CCSAP: variants seen among roughly 807,000 people sequenced by gnomAD.
The protein encoded by CCSAP is centriole, cilia and spindle associated protein.
A neutral mutation model predicts 25.9 loss-of-function variants in CCSAP; 17 were observed. The observed-to-expected ratio is 0.66, with a 90% CI of 0.45 to 0.99. CCSAP has a LOEUF of 0.99. CCSAP is among the 50% of genes least tolerant of loss of function. The probability of loss-of-function intolerance (pLI) is 0.00; values close to 1 mark genes in which losing one functional copy is unlikely to be tolerated. For synonymous variants in CCSAP, 169 were observed against 157.1 expected, an observed-to-expected ratio of 1.08 and a Z score of -0.57; for missense variants, 339 against 367.8, an observed-to-expected ratio of 0.92 and a Z score of 0.64.
intron 3 of CCSAP, among the ~76,000 whole-genome samples, chr1:229,325,651 TAGAC>T (rs901345791): frequency 4.6e-5 from 7 of 152,248 alleles, no homozygotes; most frequent in South Asian, 2.1e-4. Context: ...AATTAAATGT[TAGAC>T]AGAAATGGTA....
chr1:229,328,197 C>T (rs984688162), intron 2 of CCSAP, among the ~76,000 whole-genome samples: 26 of 152,282 alleles, frequency 1.7e-4, no homozygotes, highest in African/African-American at 5.3e-4. Context: ...AGTAAGAGTT[C>T]GTGACGGGTC....
At chr1:229,334,068 T>TTTTGTTTG (rs112113521) in intron 2 of CCSAP, among the ~76,000 whole-genome samples, 7 of 152,106 alleles carry the variant, frequency 4.6e-5, no homozygotes, top group African/African-American at 1.2e-4. Context: ...CATTAGGTTT[T>TTTTGTTTG]TTTGTTTGTT....
In CCSAP at chr1:229,321,740, C is replaced by T. The variant is rs1047964173; in HGVS notation, c.*3495G>A. 1.1e-4 allele frequency: 16 copies of T among 152,302 alleles called. No homozygotes were observed. The highest frequency in any genetic ancestry group is 3.6e-4 in the African/African-American group (15 of 41,564). The allele number at this position is 152,302 out of a possible 1,614,324, so 9.4% of individuals were successfully genotyped here. A position where few individuals can be genotyped will look rare whatever the true frequency, so the allele number is the denominator to read the frequency against. On this transcript the variant is annotated 3_prime_UTR_variant, in exon 4 of 4. Transcript: ENST00000284617. ...ACTTCTGATATATGCTTTGCTCCTCCTCCTCTTTGCTAGTAATACTTTTGA... is the reference window on the plus strand; with the variant it reads ...ACTTCTGATATATGCTTTGCTCCTCTTCCTCTTTGCTAGTAATACTTTTGA...
intron 2 of CCSAP, among the ~76,000 whole-genome samples, chr1:229,329,531 G>A (rs1658020335): frequency 6.6e-6 from 1 of 152,172 alleles, no homozygotes. Flanking sequence ...ATCATCATGG[G>A]AGGACATTAA....
chr1:229,337,698 T>TATACAC (rs1473619585), intron 2 of CCSAP, among the ~76,000 whole-genome samples: 2 of 60,714 alleles, frequency 3.3e-5, no homozygotes, highest in African/African-American at 1.3e-4. Context: ...TATATATATA[T>TATACAC]ACACATACAT....
At chr1:229,341,894 C>T (rs910597974) in intron 2 of CCSAP, among the ~76,000 whole-genome samples, 1 of 151,720 alleles carries the variant, frequency 6.6e-6, no homozygotes, top group East Asian at 1.9e-4. Context: ...CTGGCTCGAC[C>T]GAAAGCCACC....
intron 2 of CCSAP, among the ~76,000 whole-genome samples, chr1:229,328,298 A>AT (rs954694863): frequency 6.6e-5 from 10 of 151,508 alleles, no homozygotes; most frequent in Non-Finnish European, 1.3e-4. Flanking sequence ...TCATGATTTT[A>AT]TTTTTTTTGT....
At chr1:229,332,192 TC>T (rs1246126258) in intron 2 of CCSAP, among the ~76,000 whole-genome samples, 7 of 152,132 alleles carry the variant, frequency 4.6e-5, no homozygotes, top group Admixed American at 4.6e-4. Context: ...TTCCCTGAGT[TC>T]TATGAGCCAC....
intron 3 of CCSAP, among the ~76,000 whole-genome samples, chr1:229,326,392 T>C (rs972903209): frequency 1.3e-5 from 2 of 152,228 alleles, no homozygotes; most frequent in African/African-American, 4.8e-5. Context: ...CAAATCCAGA[T>C]GGGCCGTCGC....
Position 229,342,501 on chromosome 1 carries a change from C to A in CCSAP, c.-36G>T. ...GCCGCCTCGAGCGCCAGCCGCTCCT[C>A]GCTGCCCGCAGCCTACGGGACCCGG... On this transcript the variant is annotated 5_prime_UTR_variant, in exon 2 of 4. Coordinates refer to ENST00000284617, the MANE Select transcript of CCSAP (RefSeq NM_145257.5). This position sits in a 1 kb window ranked among gnomAD's most constrained non-coding sequence, Gnocchi z 7.5. The A allele has an allele frequency of 1.5e-6, 2 of 1,304,594 alleles. No homozygotes were observed. The highest frequency in any genetic ancestry group is 2.0e-6 in the Non-Finnish European group (2 of 1,019,256). 80.8% of individuals were successfully genotyped at this position (1,304,594 alleles called of 1,614,324 possible).
chr1:229,339,594 A>G (rs1658282584), intron 2 of CCSAP, among the ~76,000 whole-genome samples: 1 of 152,152 alleles, frequency 6.6e-6, no homozygotes, highest in Non-Finnish European at 1.5e-5. Flanking sequence ...AGAAGCCAAG[A>G]AAGGTCCTAG....
intron 2 of CCSAP, among the ~76,000 whole-genome samples, chr1:229,338,495 A>C (rs188653064): frequency 6.6e-6 from 1 of 151,940 alleles, no homozygotes; most frequent in East Asian, 1.9e-4. Context: ...CTATGGGAGG[A>C]AAAGAATCTC....
rs138395558 is a variant in CCSAP, at chr1:229,339,903, G to T, written c.367+2196C>A. On this transcript the variant is annotated intron_variant, in intron 2 of 3. Transcript: ENST00000284617. Reference sequence around the variant, plus strand: ...GTGGAGATGGGCCGTGTGTGTGTGGGTGAGGAGAGCAGTAAAAAAGAATTA... The same window carrying T: ...GTGGAGATGGGCCGTGTGTGTGTGGTTGAGGAGAGCAGTAAAAAAGAATTA... 5.9e-5 allele frequency among the ~76,000 whole-genome samples: 9 copies of T among 152,214 alleles called. 1 individual carries two copies. The highest frequency in any genetic ancestry group is 2.2e-4 in the African/African-American group (9 of 41,534).
chr1:229,326,748 G>C lies in CCSAP; in HGVS notation c.626C>G (p.Pro209Arg), dbSNP rs1178842389. ...QKTHNVCASA[P>R]VHEIHESALR... ...GGGCCCAGAGCGCACCTCGTGCACA[G>C]GAGCGGACGCACAGACGTTGTGAGT... Residue 209 changes from proline to arginine, a missense_variant, in exon 3 of 4, where the codon CCT becomes CGT. Coordinates refer to ENST00000284617, the MANE Select transcript of CCSAP (RefSeq NM_145257.5). 6.2e-7 allele frequency: 1 copy of C among 1,614,078 alleles called. No individual in the cohort carries two copies. The highest frequency in any genetic ancestry group is 1.3e-5 in the African/African-American group (1 of 74,922).
Position 229,324,683 on chromosome 1 carries a change from T to C in CCSAP, c.*552A>G, listed in dbSNP as rs1195962757. 1 of 152,560 alleles carries C rather than the reference T, an allele frequency of 6.6e-6. No individual in the cohort carries two copies. Among genetic ancestry groups the C allele is most frequent in the African/African-American group, 2.4e-5 (1 of 41,426 alleles). 9.5% of individuals were successfully genotyped at this position (152,560 alleles called of 1,614,324 possible). A position where few individuals can be genotyped will look rare whatever the true frequency, so the allele number is the denominator to read the frequency against. ...AACTGAAATACAAATAAGTTAAAAATTTTCAGGAACTAGCAAAGTTCTACT... is the reference window on the plus strand; with the variant it reads ...AACTGAAATACAAATAAGTTAAAAACTTTCAGGAACTAGCAAAGTTCTACT... On this transcript the variant is annotated 3_prime_UTR_variant, in exon 4 of 4. Coordinates refer to ENST00000284617, the MANE Select transcript of CCSAP (RefSeq NM_145257.5).
In CCSAP at chr1:229,342,006, G is replaced by T. The variant is rs1311744973; in HGVS notation, c.367+93C>A. 2 of 1,237,424 alleles carry T rather than the reference G, an allele frequency of 1.6e-6. No individual in the cohort carries two copies. Among genetic ancestry groups the T allele is most frequent in the Middle Eastern group, 2.1e-4 (1 of 4,726 alleles). 76.7% of individuals were successfully genotyped at this position (1,237,424 alleles called of 1,614,324 possible). On this transcript the variant is annotated intron_variant, in intron 2 of 3. Coordinates refer to ENST00000284617, the MANE Select transcript of CCSAP (RefSeq NM_145257.5). The surrounding 1 kb of genome is among the most constrained non-coding windows in gnomAD (Gnocchi z 7.5). ...AAAAAAAAAAGGAAGAGCCAGCCCC[G>T]AGTGGCGCAAGAAATAAGAGATCAG...
In CCSAP at chr1:229,342,578, G is replaced by T. The variant is rs902279823; in HGVS notation, c.-48-65C>A. ...CTCCGCCGGCCCTGCCCGCCGCGACGTTTAAACCCGGAGCCCCGCCCGGAC... is the reference window on the plus strand; with the variant it reads ...CTCCGCCGGCCCTGCCCGCCGCGACTTTTAAACCCGGAGCCCCGCCCGGAC... On this transcript the variant is annotated intron_variant, in intron 1 of 3. Transcript: ENST00000284617. This position sits in a 1 kb window ranked among gnomAD's most constrained non-coding sequence, Gnocchi z 7.5. 1.4e-5 allele frequency: 10 copies of T among 698,806 alleles called. No individual in the cohort carries two copies. The highest frequency in any genetic ancestry group is 2.0e-5 in the Non-Finnish European group (10 of 502,162). The allele number at this position is 698,806 out of a possible 1,614,324, so 43.3% of individuals were successfully genotyped here.
intron 3 of CCSAP, 130 bp downstream of exon 3, chr1:229,326,608 T>C (rs979182506): frequency 2.0e-5 from 22 of 1,084,334 alleles, no homozygotes; most frequent in Non-Finnish European, 2.5e-5. Context: ...CAACCCACCA[T>C]GCTATCCCCT....
rs575643898 is a variant in CCSAP at position 229,336,323 on chromosome 1, C to G, written c.367+5776G>C. The stretch of plus-strand genomic sequence containing the variant: ...GGATTTCAGTCTTGAGCGGCAGAAG[C>G]AGGGGAGGCTTGGACTTCAGATGAC... On this transcript the variant is annotated intron_variant, in intron 2 of 3. Transcript: ENST00000284617. 3.3e-5 allele frequency among the ~76,000 whole-genome samples: 5 copies of G among 151,942 alleles called. No homozygotes were observed. The South Asian group carries it at 1.0e-3, about 32-fold the overall frequency.
Sources: allele counts gnomAD v4.1 joint callset (sites outside exome capture counted in the v4.1 genomes callset), GRCh38; gene constraint gnomAD v4.1.1; non-coding constraint Gnocchi (gnomAD v3.1); transcripts MANE v1.5; gene names NCBI Gene and HGNC (gene_info 2026-07-23, HGNC 2026-07-21).